Variants in CLUL1 observed in about 807,000 individuals in gnomAD.
CLUL1 encodes the protein clusterin like 1.
CLUL1 carries 43 observed loss-of-function variants against 49.4 expected under a neutral mutation model. The ratio of observed to expected loss-of-function variants is 0.87; its 90% CI spans 0.68 to 1.12. CLUL1 has a LOEUF of 1.12. CLUL1 is among the 50% of genes most tolerant of loss of function. The pLI is 0.00. For synonymous variants in CLUL1, 192 were observed against 184.9 expected (o/e 1.04, Z -0.31); for missense variants, 486 against 544.4 (o/e 0.89, Z 1.07).
At chr18:608,461 C>A (rs1462815394) in intron 2 of CLUL1, among the ~76,000 whole-genome samples, 1 of 151,938 alleles carries the variant, frequency 6.6e-6, no homozygotes. Flanking sequence ...TTCACTTCAT[C>A]TACTGTAAGA....
At chr18:612,255 T>C (rs1483681292) in intron 2 of CLUL1, among the ~76,000 whole-genome samples, 11 of 152,208 alleles carry the variant, frequency 7.2e-5, no homozygotes, top group African/African-American at 2.7e-4. Context: ...AAAATGTATG[T>C]ATTTCTGACT....
intron 4 of CLUL1, among the ~76,000 whole-genome samples, chr18:620,475 C>T (rs1335669292): frequency 6.6e-6 from 1 of 151,912 alleles, no homozygotes; most frequent in East Asian, 1.9e-4. Context: ...TCTTACATGG[C>T]AACTCATTAC....
At chr18:600,599 CTTA>C (rs1347086674) in intron 1 of CLUL1, among the ~76,000 whole-genome samples, 1 of 152,154 alleles carries the variant, frequency 6.6e-6, no homozygotes, top group Non-Finnish European at 1.5e-5. Flanking sequence ...GAAAGAGAGG[CTTA>C]TTATTTCTAG....
chr18:608,394 G>C (rs1429632666), intron 2 of CLUL1, among the ~76,000 whole-genome samples: 1 of 152,172 alleles, frequency 6.6e-6, no homozygotes, highest in Non-Finnish European at 1.5e-5. Context: ...TCCGATCTTG[G>C]TGATCAGGGA....
chr18:607,250 C>G (rs553189538), intron 2 of CLUL1, among the ~76,000 whole-genome samples, 151 bp downstream of exon 2: 2 of 152,176 alleles, frequency 1.3e-5, no homozygotes, highest in Non-Finnish European at 2.9e-5. Context: ...GCCTCAGCCT[C>G]CCTACTAGCT....
chr18:615,935 G>T (rs759953681), intron 2 of CLUL1, among the ~76,000 whole-genome samples: 6 of 152,152 alleles, frequency 3.9e-5, no homozygotes, highest in Non-Finnish European at 8.8e-5. Flanking sequence ...ACGTCATAGG[G>T]CGCCTAAAAG....
chr18:633,185 A>T, intron 6 of CLUL1, 113 bp from the exon 7 acceptor site: 1 of 789,234 alleles, frequency 1.3e-6, no homozygotes, highest in East Asian at 2.6e-5. Context: ...ACATACATAC[A>T]TATAGGAAAA....
rs764219768 is a variant in CLUL1, at chr18:641,329, T to C, written c.997T>C (p.Cys333Arg). The C allele has an allele frequency of 6.2e-6, 10 of 1,614,136 alleles. No homozygotes were observed. In the South Asian group the frequency reaches 1.1e-4, roughly 18 times the overall value. ...CACATTACTTTCTTCTCTGCTAGAC[T>C]GTCCTGATGTACCTGCTCTGCACAC... is the stretch of plus-strand genomic sequence containing the variant. ...QKCQAHLSED[C>R]PDVPALHTEL... The change falls in exon 8 of 10, where the codon TGT becomes CGT. Residue 333 changes from cysteine to arginine, a missense_variant and splice_region_variant. Coordinates refer to ENST00000692774, the MANE Select transcript of CLUL1 (RefSeq NM_001393344.1).
At chr18:648,558 G>A (rs2074583179) in intron 9 of CLUL1, among the ~76,000 whole-genome samples, 1 of 151,756 alleles carries the variant, frequency 6.6e-6, no homozygotes, top group African/African-American at 2.4e-5. Context: ...TTGTTTAGAG[G>A]TTATTAACAT....
At chr18:613,264 G>C (rs747451519) in intron 2 of CLUL1, 1 of 430,186 alleles carries the variant, frequency 2.3e-6, no homozygotes, top group Non-Finnish European at 4.1e-6. Flanking sequence ...TCAGCCTCTC[G>C]AGTGGCTGGG....
At chr18:646,392 A>C (rs2074508402) in intron 9 of CLUL1, among the ~76,000 whole-genome samples, 1 of 151,196 alleles carries the variant, frequency 6.6e-6, no homozygotes, top group Non-Finnish European at 1.5e-5. Flanking sequence ...GCATCTACTA[A>C]GTTTAGATAC....
At position 624,977 on chromosome 18, in the gene CLUL1, A is replaced by T. The variant is rs887252225; in HGVS notation, c.368A>T (p.Asn123Ile). The T allele has an allele frequency of 1.2e-6, 2 of 1,614,078 alleles. No individual in the cohort carries two copies. Among genetic ancestry groups the T allele is most frequent in the African/African-American group, 2.7e-5 (2 of 74,932 alleles). Residue 123 changes from asparagine (N) to isoleucine (I), a missense_variant, in exon 5 of 10, where the codon AAC (asparagine) becomes ATC (isoleucine). Transcript: ENST00000692774. ...GAATGCAGGTCTTGCCTGGAAAATA[A>T]CTGCATGAGAATTTATACAACCTGC... ...WGECRSCLEN[N>I]CMRIYTTCQP...
intron 2 of CLUL1, among the ~76,000 whole-genome samples, chr18:607,730 T>C (rs2073019330): frequency 6.6e-6 from 1 of 152,086 alleles, no homozygotes; most frequent in Admixed American, 6.6e-5. Flanking sequence ...GCCCAGTCTT[T>C]TTAAAAAATT....
At chr18:647,632 G>T (rs550767758) in intron 9 of CLUL1, among the ~76,000 whole-genome samples, 5 of 152,198 alleles carry the variant, frequency 3.3e-5, no homozygotes, top group African/African-American at 4.8e-5. Context: ...GGACATGTGT[G>T]TCTACCTCTA....
intron 9 of CLUL1, among the ~76,000 whole-genome samples, chr18:646,495 T>TAC (rs2074512174): frequency 1.3e-5 from 1 of 77,930 alleles, no homozygotes; most frequent in African/African-American, 5.3e-5. Context: ...GACAGATAGA[T>TAC]AGACACACAC....
chr18:622,694 GA>G (rs142275756), intron 4 of CLUL1, among the ~76,000 whole-genome samples: 1,825 of 152,304 alleles, frequency 0.012, 34 homozygotes, highest in African/African-American at 0.041. Context: ...TGAATGGAAG[GA>G]AGCCTGAGAG....
chr18:626,864 T>TAGAAAGAAAGAAAGAAAGAAAGAAAGA (rs2073735753), intron 5 of CLUL1, among the ~76,000 whole-genome samples: 10 of 70,798 alleles, frequency 1.4e-4, no homozygotes, highest in African/African-American at 5.2e-4. Context: ...CCATCTCAAA[T>TAGAAAGAAAGAAAGAAAGAAAGAAAGA]AAGAAAGAAA....
Position 618,334 on chromosome 18 carries a change from A to G in CLUL1, c.106+228A>G, listed in dbSNP as rs948768976. ...CTTTCCAGATGTTTGTATCATGTAG[A>G]TACAACTTGCCAGTTTTTTCACTGC... On this transcript the variant is annotated intron_variant, in intron 3 of 9. Transcript: ENST00000692774. The surrounding 1 kb of genome is among the most constrained non-coding windows in gnomAD (Gnocchi z 4.2). Among the ~76,000 whole-genome samples, 3 of 152,202 alleles carry G rather than the reference A, an allele frequency of 2.0e-5. No homozygotes were observed. The highest frequency in any genetic ancestry group is 7.2e-5 in the African/African-American group (3 of 41,438).
intron 7 of CLUL1, among the ~76,000 whole-genome samples, chr18:634,366 T>C (rs1200178742): frequency 1.3e-5 from 2 of 152,104 alleles, no homozygotes; most frequent in Non-Finnish European, 2.9e-5. Context: ...ACTCCTGACC[T>C]TGTGATCCGC....
Sources: allele counts gnomAD v4.1 joint callset (sites outside exome capture counted in the v4.1 genomes callset), GRCh38; gene constraint gnomAD v4.1.1; non-coding constraint Gnocchi (gnomAD v3.1); transcripts MANE v1.5; gene names NCBI Gene and HGNC (gene_info 2026-07-23, HGNC 2026-07-21).